The following AFF1 variants were observed in gnomAD, a reference collection of about 807,000 sequenced individuals.
AFF1 encodes the protein ALF transcription elongation factor 1, also known as AF4/FMR2 family member 1.
A neutral mutation model predicts 121.7 loss-of-function variants in AFF1; 48 were observed. The observed-to-expected ratio is 0.39, with a 90% CI of 0.31 to 0.50. The LOEUF (loss-of-function observed/expected upper bound fraction) is 0.50. AFF1 is among the 20% of genes least tolerant of loss of function. AFF1 has a pLI of 0.76. For missense variants in AFF1, 1,523 were observed against 1,511.7 expected, an observed-to-expected ratio of 1.01 and a Z score of -0.12; for synonymous variants, 613 against 563.0, an observed-to-expected ratio of 1.09 and a Z score of -1.26.
chr4:87,073,201 G>A (rs953582265), intron 4 of AFF1, among the ~76,000 whole-genome samples: 1 of 139,334 alleles, frequency 7.2e-6, no homozygotes, highest in Non-Finnish European at 1.5e-5. Flanking sequence ...TAAATGAATT[G>A]TACATTCCCA....
At chr4:87,131,611 C>T (rs1157155537) in intron 17 of AFF1, among the ~76,000 whole-genome samples, 182 bp from the exon 18 acceptor site, 2 of 152,204 alleles carry the variant, frequency 1.3e-5, no homozygotes, top group Non-Finnish European at 2.9e-5. Flanking sequence ...GAGACGTGTA[C>T]TCACCTAGTT....
chr4:87,137,135 G>T lies in AFF1; in HGVS notation c.*1434G>T, dbSNP rs1251938644. 1 of 226,802 alleles carries T rather than the reference G, an allele frequency of 4.4e-6. No individual in the cohort carries two copies. Among genetic ancestry groups the T allele is most frequent in the Non-Finnish European group, 8.8e-6 (1 of 113,888 alleles). The allele number at this position is 226,802 out of a possible 1,614,324, so 14.0% of individuals were successfully genotyped here. On this transcript the variant is annotated 3_prime_UTR_variant, in exon 21 of 21. Coordinates refer to ENST00000395146, the MANE Select transcript of AFF1 (RefSeq NM_001166693.3). ...TATTGGAAACATTACTTTGAGTGCA[G>T]TGTTTTTAAAAGCCAATTCTTTTTT...
chr4:87,052,552 C>A (rs182258515), intron 4 of AFF1, among the ~76,000 whole-genome samples: 2 of 151,660 alleles, frequency 1.3e-5, no homozygotes, highest in Non-Finnish European at 2.9e-5. Context: ...CTTTGTTGGC[C>A]GTGAAAGGCA....
At chr4:86,940,029 T>C (rs1485351941) in intron 1 of AFF1, among the ~76,000 whole-genome samples, 1 of 152,208 alleles carries the variant, frequency 6.6e-6, no homozygotes, top group Non-Finnish European at 1.5e-5. Flanking sequence ...TCAAGAACTA[T>C]GAAGGCTGAG....
intron 2 of AFF1, among the ~76,000 whole-genome samples, chr4:86,956,240 A>G (rs1444686886): frequency 6.6e-6 from 1 of 152,224 alleles, no homozygotes; most frequent in African/African-American, 2.4e-5. Context: ...ACTGATAAGT[A>G]TGTGTCATTG....
In AFF1 at chr4:87,115,255, A is replaced by G. The variant is rs917753243; in HGVS notation, c.2422A>G (p.Lys808Glu). 33 of 1,613,410 alleles carry G rather than the reference A, an allele frequency of 2.0e-5. No individual in the cohort carries two copies. The highest frequency in any genetic ancestry group is 2.6e-5 in the Non-Finnish European group (31 of 1,179,700). Residue 808 changes from lysine (K) to glutamate (E), a missense_variant, in exon 12 of 21, where the codon AAG becomes GAG. Coordinates refer to ENST00000395146, the MANE Select transcript of AFF1 (RefSeq NM_001166693.3). Reference protein sequence around the residue: ...PPAGKKHSSEKRSSDSSSKLA... With the variant: ...PPAGKKHSSEERSSDSSSKLA... ...CGCAGGGAAGAAGCACAGCTCTGAG[A>G]AGAGGAGCTCAGACAGCTCAAGCAA... is the stretch of plus-strand genomic sequence containing the variant.
At chr4:87,099,186 A>G (rs1460293229) in intron 8 of AFF1, among the ~76,000 whole-genome samples, 3 of 152,164 alleles carry the variant, frequency 2.0e-5, no homozygotes, top group Admixed American at 2.0e-4. Context: ...CTGAGAGTAC[A>G]ATTTGCTGAT....
At chr4:87,078,677 C>T (rs909788385) in intron 4 of AFF1, among the ~76,000 whole-genome samples, 1 of 152,172 alleles carries the variant, frequency 6.6e-6, no homozygotes, top group African/African-American at 2.4e-5. Context: ...AAAAGTGTGA[C>T]TTATCTAACT....
At chr4:87,007,412 C>T in intron 2 of AFF1, 2 of 1,614,096 alleles carry the variant, frequency 1.2e-6, no homozygotes, top group Non-Finnish European at 1.7e-6. Context: ...TGAATTATGG[C>T]AGCCCAGTCA....
At chr4:87,093,890 T>TCCACACG (rs1724566320) in intron 7 of AFF1, among the ~76,000 whole-genome samples, 1 of 152,154 alleles carries the variant, frequency 6.6e-6, no homozygotes, top group Non-Finnish European at 1.5e-5. Context: ...TGCAGCTGCC[T>TCCACACG]CCACACGTAA....
At chr4:87,027,748 C>T (rs1261182916) in intron 2 of AFF1, among the ~76,000 whole-genome samples, 1 of 150,414 alleles carries the variant, frequency 6.6e-6, no homozygotes, top group Non-Finnish European at 1.5e-5. Flanking sequence ...CCTAAACATT[C>T]CAAAATCTGA....
intron 7 of AFF1, among the ~76,000 whole-genome samples, chr4:87,092,692 T>C (rs1289148488): frequency 6.6e-6 from 1 of 152,162 alleles, no homozygotes; most frequent in Non-Finnish European, 1.5e-5. Flanking sequence ...AAATTTGCTG[T>C]TCCCTGCTGT....
At position 87,125,069 on chromosome 4, in the gene AFF1, A is replaced by G; in HGVS notation, c.2499A>G (p.Lys833=). 6.2e-7 allele frequency: 1 copy of G among 1,609,020 alleles called. No homozygotes were observed. Reference sequence around the variant, plus strand: ...CAGAAAGAGACTGTGATAACAAGAAAATCAGACTGGAGAAGGAAATCAAAT... The same window carrying G: ...CAGAAAGAGACTGTGATAACAAGAAGATCAGACTGGAGAAGGAAATCAAAT... ...GEAERDCDNK[K]IRLEKEIKSQ... The change falls in exon 13 of 21, where the codon AAA becomes AAG. Residue 833 remains lysine (K), a synonymous_variant. Transcript: ENST00000395146.
intron 4 of AFF1, among the ~76,000 whole-genome samples, chr4:87,074,782 A>G (rs770598767): frequency 2.0e-5 from 3 of 152,222 alleles, no homozygotes; most frequent in Non-Finnish European, 4.4e-5. Context: ...TGATCTCAGG[A>G]TATATAATGG....
At chr4:87,120,738 T>C (rs1174760457) in intron 12 of AFF1, among the ~76,000 whole-genome samples, 1 of 152,190 alleles carries the variant, frequency 6.6e-6, no homozygotes, top group Admixed American at 6.5e-5. Flanking sequence ...TACTCCACTT[T>C]AGCTACTCCT....
chr4:87,062,549 A>G (rs1378920288), intron 4 of AFF1, among the ~76,000 whole-genome samples: 2 of 152,184 alleles, frequency 1.3e-5, no homozygotes, highest in Non-Finnish European at 2.9e-5. Context: ...TTTCCAAAAG[A>G]GTTTGAATTA....
intron 2 of AFF1, among the ~76,000 whole-genome samples, chr4:86,986,130 T>C (rs962671895): frequency 6.6e-6 from 1 of 152,036 alleles, no homozygotes; most frequent in Non-Finnish European, 1.5e-5. Flanking sequence ...TGGAGTGCAG[T>C]GGCATGATCT....
At chr4:86,951,988 C>G (rs1578835919) in intron 2 of AFF1, among the ~76,000 whole-genome samples, 2 of 148,098 alleles carry the variant, frequency 1.4e-5, no homozygotes, top group East Asian at 3.9e-4. Flanking sequence ...AATCACCTGT[C>G]TTTTCTCCAC....
chr4:87,129,326 T>C (rs1429982520), intron 16 of AFF1, among the ~76,000 whole-genome samples: 1 of 152,236 alleles, frequency 6.6e-6, no homozygotes, highest in Non-Finnish European at 1.5e-5. Context: ...CTCTACGTTA[T>C]CTTCAACTGA....
Sources: allele counts gnomAD v4.1 joint callset (sites outside exome capture counted in the v4.1 genomes callset), GRCh38; gene constraint gnomAD v4.1.1; transcripts MANE v1.5; gene names NCBI Gene and HGNC (gene_info 2026-07-23, HGNC 2026-07-21).